TCEA2: variants seen among roughly 807,000 people sequenced by gnomAD.
The protein encoded by TCEA2 is transcription elongation factor A protein 2.
In TCEA2, 21 loss-of-function variants were observed where a neutral mutation model predicts 40.8. The observed-to-expected ratio is 0.51, with a 90% confidence interval of 0.36 to 0.74. The LOEUF is 0.74. Among genes scored for constraint, TCEA2 ranks in the 30% least tolerant of loss-of-function variants. The pLI is 0.00. For synonymous variants in TCEA2, 165 were observed against 162.7 expected (o/e 1.01, Z -0.11); for missense variants, 326 against 426.5 (o/e 0.76, Z 2.08).
intron 1 of TCEA2, among the ~76,000 whole-genome samples, chr20:64,057,996 C>G (rs2059496056): frequency 6.6e-6 from 1 of 152,220 alleles, no homozygotes; most frequent in Admixed American, 6.5e-5. Flanking sequence ...TCACCTGCCT[C>G]TGCCCGGGGG....
rs551395207 is a variant in TCEA2, at chr20:64,070,204, G to A, written c.518-56G>A. The stretch of plus-strand genomic sequence containing the variant: ...CCCAACATGGCCCCCAGCGGGGCAG[G>A]TGGTAGGTGGAGGGCAGCGACGTTG... On this transcript the variant is annotated intron_variant, in intron 6 of 9. Coordinates refer to ENST00000343484, the MANE Select transcript of TCEA2 (RefSeq NM_003195.6). The A allele has an allele frequency of 8.2e-5, 131 of 1,599,872 alleles. No homozygotes were observed. In the East Asian group the frequency reaches 1.4e-3, roughly 17 times the overall value.
Position 64,067,020 on chromosome 20 carries a change from G to A in TCEA2, c.241G>A (p.Asp81Asn). The A allele has an allele frequency of 6.2e-7, 1 of 1,610,662 alleles. No individual in the cohort carries two copies. The highest frequency in any genetic ancestry group is 8.5e-7 in the Non-Finnish European group (1 of 1,178,546). The change falls in exon 3 of 10, where the codon GAT becomes AAT. Residue 81 changes from aspartate to asparagine, a missense_variant and splice_region_variant. Transcript: ENST00000343484. ...SLIKSWKKLL[D>N]ASDAKARERG... ...CATCAAGTCCTGGAAGAAGCTCCTGGGTGCGGCTCAGGCGGTGCCCACTGA... is the reference window on the plus strand; with the variant it reads ...CATCAAGTCCTGGAAGAAGCTCCTGAGTGCGGCTCAGGCGGTGCCCACTGA...
chr20:64,067,642 G>A (rs768534058), intron 3 of TCEA2, among the ~76,000 whole-genome samples: 15 of 152,250 alleles, frequency 9.9e-5, no homozygotes, highest in Non-Finnish European at 1.8e-4. Flanking sequence ...GGCTGTGCAT[G>A]GCACAAGCAT....
intron 4 of TCEA2, 87 bp from the exon 5 acceptor site, chr20:64,069,274 T>C: frequency 4.1e-6 from 6 of 1,478,128 alleles, no homozygotes; most frequent in Admixed American, 2.2e-5. Flanking sequence ...GGGATTATGC[T>C]GTGGCACCTG....
At position 64,069,802 on chromosome 20, in the gene TCEA2, G is replaced by A; in HGVS notation, c.498G>A (p.Leu166=). The change falls in exon 6 of 10, where the codon CTG becomes CTA. Residue 166 remains leucine (L), a synonymous_variant. Coordinates refer to ENST00000343484, the MANE Select transcript of TCEA2 (RefSeq NM_003195.6). The part of the protein sequence containing the change: ...HVAIGADCER[L]SAQIEECIFR... ...CCATCGGTGCGGACTGCGAGCGCCT[G>A]TCGGCTCAGATCGAGGAATATATCC... 6.2e-7 allele frequency: 1 copy of A among 1,613,966 alleles called. No individual in the cohort carries two copies. The highest frequency in any genetic ancestry group is 8.5e-7 in the Non-Finnish European group (1 of 1,179,966).
chr20:64,069,496 G>A lies in TCEA2; in HGVS notation c.460+5G>A. 1 of 1,611,858 alleles carries A rather than the reference G, an allele frequency of 6.2e-7. No homozygotes were observed. ...CCGCTGCCCTGCAGACGGACCGTGA[G>A]TGCGGCCGGCCCTGGCTCCTGACAC... is the stretch of plus-strand genomic sequence containing the variant. On this transcript the variant is annotated splice_donor_5th_base_variant and intron_variant, in intron 5 of 9. Coordinates refer to ENST00000343484, the MANE Select transcript of TCEA2 (RefSeq NM_003195.6).
chr20:64,068,088 C>A lies in TCEA2; in HGVS notation c.283C>A (p.Pro95Thr). The A allele has an allele frequency of 6.2e-7, 1 of 1,609,464 alleles. No homozygotes were observed. The highest frequency in any genetic ancestry group is 1.7e-5 in the Admixed American group (1 of 59,536). Residue 95 changes from proline to threonine, a missense_variant, in exon 4 of 10, where the codon CCT (proline) becomes ACT (threonine). By Grantham distance (38) the Pro-to-Thr change is conservative. Transcript: ENST00000343484. ...AGCCAGGGAGCGGGGGAGGGGCATGCCTCTGCCCACGTCCTCGAGGGATGC... is the reference window on the plus strand; with the variant it reads ...AGCCAGGGAGCGGGGGAGGGGCATGACTCTGCCCACGTCCTCGAGGGATGC... ...AKARERGRGM[P>T]LPTSSRDASE...
chr20:64,065,510 T>A (rs2059669838), intron 1 of TCEA2: 1 of 136,908 alleles, frequency 7.3e-6, no homozygotes, highest in Non-Finnish European at 1.6e-5. Flanking sequence ...GCTGAGAAGG[T>A]GTTGTTGAAA....
At chr20:64,068,174 C>T in intron 4 of TCEA2, 40 bp downstream of exon 4, 1 of 1,546,180 alleles carries the variant, frequency 6.5e-7, no homozygotes, top group Middle Eastern at 1.7e-4. Flanking sequence ...CTTCTGCTTC[C>T]CAGCCTGTTT....
upstream of TCEA2, chr20:64,063,147 A>G (rs1172748053): frequency 2.1e-6 from 1 of 482,754 alleles, no homozygotes; most frequent in Non-Finnish European, 3.1e-6. Context: ...GCATCCTAGG[A>G]TGCCGCGCGC....
Position 64,070,251 on chromosome 20 carries a change from C to T in TCEA2, c.518-9C>T. The stretch of plus-strand genomic sequence containing the variant: ...GTTGTCCTCAGGTGGGTCCTTAAAA[C>T]ACTTGCACGCATCTTCCGGGACGTT... On this transcript the variant is annotated splice_polypyrimidine_tract_variant and intron_variant, in intron 6 of 9. Transcript: ENST00000343484. The T allele has an allele frequency of 6.2e-7, 1 of 1,613,918 alleles. No homozygotes were observed. Among genetic ancestry groups the T allele is most frequent in the Non-Finnish European group, 8.5e-7 (1 of 1,179,854 alleles).
rs751216098 is a variant in TCEA2 at position 64,070,001 on chromosome 20, G to C, written c.517+180G>C. On this transcript the variant is annotated intron_variant, in intron 6 of 9. Coordinates refer to ENST00000343484, the MANE Select transcript of TCEA2 (RefSeq NM_003195.6). ...CCTCAGGAGGGCCCCCGGACCAGCT[G>C]AAGGGCTGATTCTGTCTGCTTGTGG... 19 of 907,132 alleles carry C rather than the reference G, an allele frequency of 2.1e-5. No homozygotes were observed. The South Asian group carries it at 2.5e-4, about 12-fold the overall frequency. 56.2% of individuals were successfully genotyped at this position (907,132 alleles called of 1,614,324 possible). A position where few individuals can be genotyped will look rare whatever the true frequency, so the allele number is the denominator to read the frequency against.
chr20:64,069,247 C>T (rs2059767964), intron 4 of TCEA2, 114 bp from the exon 5 acceptor site: 1 of 1,423,042 alleles, frequency 7.0e-7, no homozygotes, highest in Non-Finnish European at 9.3e-7. Context: ...CAGAGTAGAA[C>T]AAGCAGGGGT....
intron 2 of TCEA2, 86 bp downstream of exon 2, chr20:64,066,624 C>G: frequency 2.8e-6 from 4 of 1,443,522 alleles, no homozygotes; most frequent in Non-Finnish European, 3.9e-6. Flanking sequence ...GCAGGGCTTC[C>G]CCACCCTCCC....
In TCEA2 at chr20:64,071,955, C is replaced by G. The variant is rs201755221; in HGVS notation, c.891+14C>G. The G allele has an allele frequency of 1.2e-6, 2 of 1,613,934 alleles. No homozygotes were observed. The highest frequency in any genetic ancestry group is 3.3e-5 in the Admixed American group (2 of 60,014). On this transcript the variant is annotated intron_variant, in intron 9 of 9. Coordinates refer to ENST00000343484, the MANE Select transcript of TCEA2 (RefSeq NM_003195.6). Reference sequence around the variant, plus strand: ...AACCGCTGGAAGGTGGGTGAGCAGGCTCAGGCTGCCCCTCCCAGCTCCATT... The same window carrying G: ...AACCGCTGGAAGGTGGGTGAGCAGGGTCAGGCTGCCCCTCCCAGCTCCATT...
Position 64,063,212 on chromosome 20 carries a change from T to C in TCEA2, c.-101T>C, listed in dbSNP as rs1484863203. On this transcript the variant is annotated 5_prime_UTR_variant, in exon 1 of 10. Coordinates refer to ENST00000343484, the MANE Select transcript of TCEA2 (RefSeq NM_003195.6). The stretch of plus-strand genomic sequence containing the variant: ...GTCTGTCGTCCGCGGCGGGGCTGCG[T>C]CGGCTGCGGCGGGTGTGGGAGGTGG... 3.9e-5 allele frequency: 42 copies of C among 1,068,958 alleles called. No individual in the cohort carries two copies. The highest frequency in any genetic ancestry group is 4.0e-5 in the Non-Finnish European group (33 of 831,460). The allele number at this position is 1,068,958 out of a possible 1,614,324, so 66.2% of individuals were successfully genotyped here.
chr20:64,068,921 C>T (rs1213119372), intron 4 of TCEA2, among the ~76,000 whole-genome samples: 2 of 152,244 alleles, frequency 1.3e-5, no homozygotes, highest in African/African-American at 4.8e-5. Context: ...CCCGCCTTGT[C>T]TCCCCCCAGA....
upstream of TCEA2, chr20:64,062,631 A>ACTTC (rs2059588915): frequency 6.6e-6 from 1 of 152,304 alleles, no homozygotes; most frequent in Non-Finnish European, 1.5e-5. Flanking sequence ...GAACCCCAGC[A>ACTTC]ATGGCCCCTT....
At chr20:64,065,357 C>G (rs1381781009) in intron 1 of TCEA2, among the ~76,000 whole-genome samples, 4 of 152,186 alleles carry the variant, frequency 2.6e-5, no homozygotes, top group African/African-American at 7.2e-5. Flanking sequence ...GGACAAGCCC[C>G]TCCCATGGCC....
Sources: gnomAD v4.1 joint callset for allele counts (sites outside exome capture counted in the v4.1 genomes callset) on GRCh38, gnomAD v4.1.1 for gene constraint, MANE v1.5 for transcripts, NCBI Gene and HGNC (gene_info 2026-07-23, HGNC 2026-07-21) for gene names.